The following NOTUM variants were observed in gnomAD, a reference collection of about 807,000 sequenced individuals.
The protein encoded by NOTUM is notum, palmitoleoyl-protein carboxylesterase.
A neutral mutation model predicts 65.5 loss-of-function variants in NOTUM; 36 were observed. The observed-to-expected ratio is 0.55, with a 90% confidence interval of 0.42 to 0.73. The LOEUF is 0.73. NOTUM is among the 30% of genes least tolerant of loss of function. NOTUM has a pLI of 0.00. For missense variants in NOTUM, 659 were observed against 694.2 expected (o/e 0.95, Z 0.57); for synonymous variants, 356 against 297.9 (o/e 1.20, Z -2.01).
chr17:81,957,886 G>A lies in NOTUM; in HGVS notation c.615C>T (p.Ala205=), dbSNP rs1334894896. The stretch of plus-strand genomic sequence containing the variant: ...CCCGCACCACCTCCTGGATGATGAG[G>A]GCGCCCATGAAGGCGTACTCGTCTG... The part of the protein sequence containing the change: ...SEKNEYAFMG[A]LIIQEVVREL... Residue 205 remains alanine, a synonymous_variant, in exon 6 of 11, where the codon GCC becomes GCT. Transcript: ENST00000409678. The A allele has an allele frequency of 1.2e-6, 2 of 1,606,168 alleles. No homozygotes were observed. The highest frequency in any genetic ancestry group is 1.3e-5 in the African/African-American group (1 of 74,680).
intron 5 of NOTUM, 42 bp downstream of exon 5, chr17:81,958,293 C>T (rs1296911872): frequency 7.1e-7 from 1 of 1,415,464 alleles, no homozygotes; most frequent in Admixed American, 1.7e-5. Flanking sequence ...GCCATCCGGC[C>T]CCGTCCCTGC....
At chr17:81,958,858 G>C (rs1161190472) in intron 4 of NOTUM, 77 bp downstream of exon 4, 1 of 1,100,096 alleles carries the variant, frequency 9.1e-7, no homozygotes, top group South Asian at 1.3e-5. Context: ...TTCAGAATAT[G>C]ACTTCCCAAG....
chr17:81,954,770 C>A (rs761555410), intron 9 of NOTUM, among the ~76,000 whole-genome samples: 17 of 150,960 alleles, frequency 1.1e-4, no homozygotes, highest in Non-Finnish European at 2.2e-4. Context: ...GGTGATGCCA[C>A]CATGCCTGGA....
chr17:81,952,988 C>G lies in NOTUM; in HGVS notation c.1464G>C (p.Leu488=), dbSNP rs1209551816. ...AGCTTCCGTTGCTCAGCATCCCCAG[C>G]AGCTCACTGGGCTCCAGTCCCTGCG... ...AQPQGLEPSE[L]LGMLSNGS Residue 488 remains leucine, a synonymous_variant, in exon 11 of 11, where the codon CTG becomes CTC. Transcript: ENST00000409678. 1 of 1,613,956 alleles carries G rather than the reference C, an allele frequency of 6.2e-7. No individual in the cohort carries two copies. The highest frequency in any genetic ancestry group is 1.7e-5 in the Admixed American group (1 of 60,026).
chr17:81,955,554 G>A lies in NOTUM; in HGVS notation c.989-10C>T, dbSNP rs761126346. 1.9e-6 allele frequency: 3 copies of A among 1,606,524 alleles called. No homozygotes were observed. Among genetic ancestry groups the A allele is most frequent in the East Asian group, 2.2e-5 (1 of 44,730 alleles). On this transcript the variant is annotated splice_polypyrimidine_tract_variant and intron_variant, in intron 8 of 10. Coordinates refer to ENST00000409678, the MANE Select transcript of NOTUM (RefSeq NM_178493.6). ...ACCACGAACACAGGGCCTGCGGGCGGCGGGGCTCAGTTCGGCCTCCCCTGA... is the reference window on the plus strand; with the variant it reads ...ACCACGAACACAGGGCCTGCGGGCGACGGGGCTCAGTTCGGCCTCCCCTGA...
At chr17:81,956,482 C>G (rs1434220204) in intron 8 of NOTUM, among the ~76,000 whole-genome samples, 168 bp downstream of exon 8, 2 of 152,124 alleles carry the variant, frequency 1.3e-5, no homozygotes, top group Non-Finnish European at 2.9e-5. Context: ...GGCCTCCTCC[C>G]TGGTACACAG....
At position 81,959,478 on chromosome 17, in the gene NOTUM, A is replaced by C; in HGVS notation, c.465T>G (p.Thr155=). ...CCAGGGCCCGCCGCTGACCTGTGCG[A>C]GTGCGCGGCCAGTCCCGGGAGCTCA... is the stretch of plus-strand genomic sequence containing the variant. ...RLMSSRDWPR[T]RTGTGILSSQ... The change falls in exon 3 of 11, where the codon ACT becomes ACG. Residue 155 remains threonine (T), a synonymous_variant. Transcript: ENST00000409678. 6.5e-7 allele frequency: 1 copy of C among 1,546,888 alleles called. No individual in the cohort carries two copies. The highest frequency in any genetic ancestry group is 8.7e-7 in the Non-Finnish European group (1 of 1,145,808).
intron 6 of NOTUM, 85 bp from the exon 7 acceptor site, chr17:81,957,159 C>A (rs34600945): frequency 3.8e-5 from 45 of 1,176,638 alleles, no homozygotes; most frequent in Non-Finnish European, 4.7e-5. Context: ...GCCCGTGCCC[C>A]GAGGGGGGCA....
At chr17:81,958,099 G>A (rs1445416825) in intron 5 of NOTUM, among the ~76,000 whole-genome samples, 191 bp from the exon 6 acceptor site, 1 of 152,172 alleles carries the variant, frequency 6.6e-6, no homozygotes, top group Non-Finnish European at 1.5e-5. Context: ...CCTCCCCAGG[G>A]AATATTCAGA....
At position 81,960,174 on chromosome 17, in the gene NOTUM, G is replaced by A. The variant is rs957079598; in HGVS notation, c.323+413C>T. Among the ~76,000 whole-genome samples, 2 of 152,034 alleles carry A rather than the reference G, an allele frequency of 1.3e-5. No individual in the cohort carries two copies. Among genetic ancestry groups the A allele is most frequent in the Non-Finnish European group, 2.9e-5 (2 of 67,970 alleles). On this transcript the variant is annotated intron_variant, in intron 1 of 10. Coordinates refer to ENST00000409678, the MANE Select transcript of NOTUM (RefSeq NM_178493.6). The surrounding 1 kb of genome is among the most constrained non-coding windows in gnomAD (Gnocchi z 6.4). The stretch of plus-strand genomic sequence containing the variant: ...CTGTCCTCGGCCTGTTGAGCGCGTG[G>A]GCGGCCCCGCCGCTCCCCGACCCCC...
At chr17:81,959,299 G>A (rs974072873) in intron 3 of NOTUM, 172 bp downstream of exon 3, 2 of 622,706 alleles carry the variant, frequency 3.2e-6, no homozygotes, top group African/African-American at 3.7e-5. Context: ...GAATGCTAAT[G>A]TGGAATGGGC....
At chr17:81,955,286 G>A (rs1353048675) in intron 9 of NOTUM, 111 bp downstream of exon 9, 3 of 1,008,838 alleles carry the variant, frequency 3.0e-6, no homozygotes, top group Admixed American at 2.6e-5. Context: ...CGGCCTACAA[G>A]ACCTCTATTT....
chr17:81,957,721 TC>T, intron 6 of NOTUM, 84 bp downstream of exon 6: 1 of 945,866 alleles, frequency 1.1e-6, no homozygotes, highest in Non-Finnish European at 1.7e-6. Flanking sequence ...TCCTCGCCTC[TC>T]ATACAACCCC....
In NOTUM at chr17:81,957,023, C is replaced by T; in HGVS notation, c.747G>A (p.Leu249=). Residue 249 remains leucine, a synonymous_variant, in exon 7 of 11, where the codon CTG becomes CTA. Transcript: ENST00000409678. ...GGATGGCTGGGTAGCCCAGCTTCTC[C>T]AGCTGCTCAGCCACACGGTCCACAT... ...LLNVDRVAEQ[L]EKLGYPAIQV... 1 of 1,610,844 alleles carries T rather than the reference C, an allele frequency of 6.2e-7. No homozygotes were observed. The highest frequency in any genetic ancestry group is 2.2e-5 in the East Asian group (1 of 44,872).
At position 81,952,712 on chromosome 17, in the gene NOTUM, A is replaced by G; in HGVS notation, c.*249T>C. The G allele has an allele frequency of 3.6e-6, 2 of 560,612 alleles. No individual in the cohort carries two copies. The highest frequency in any genetic ancestry group is 2.2e-5 in the South Asian group (1 of 45,542). The allele number at this position is 560,612 out of a possible 1,614,324, so 34.7% of individuals were successfully genotyped here. A position where few individuals can be genotyped will look rare whatever the true frequency, so the allele number is the denominator to read the frequency against. ...GGAATCCAGTGCTTCTCTTCTGGCT[A>G]CCCCCTCGTTGTCAGGAAGGACCCC... is the stretch of plus-strand genomic sequence containing the variant. On this transcript the variant is annotated 3_prime_UTR_variant, in exon 11 of 11. Transcript: ENST00000409678.
At position 81,960,196 on chromosome 17, in the gene NOTUM, C is replaced by A. The variant is rs2143950127; in HGVS notation, c.323+391G>T. ...GTGGGCGGCCCCGCCGCTCCCCGAC[C>A]CCCGACCTCACGTCTTTTATCTACT... On this transcript the variant is annotated intron_variant, in intron 1 of 10. Transcript: ENST00000409678. This position sits in a 1 kb window ranked among gnomAD's most constrained non-coding sequence, Gnocchi z 6.4. Among the ~76,000 whole-genome samples the A allele has an allele frequency of 6.6e-6, 1 of 152,324 alleles. No individual in the cohort carries two copies. The highest frequency in any genetic ancestry group is 2.1e-4 in the South Asian group (1 of 4,830).
chr17:81,953,019 G>A lies in NOTUM; in HGVS notation c.1433C>T (p.Ala478Val), dbSNP rs772650310. 7.4e-6 allele frequency: 12 copies of A among 1,614,030 alleles called. No homozygotes were observed. In the South Asian group the frequency reaches 1.2e-4, roughly 16 times the overall value. Residue 478 changes from alanine (A) to valine (V), a missense_variant, in exon 11 of 11, where the codon GCC (alanine) becomes GTC (valine). Transcript: ENST00000409678. ...ACTGGGCTCCAGTCCCTGCGGCTGGGCCACCGTCTGCATGTCGAAGCCCAT... is the reference window on the plus strand; with the variant it reads ...ACTGGGCTCCAGTCCCTGCGGCTGGACCACCGTCTGCATGTCGAAGCCCAT... ...MHMGFDMQTV[A>V]QPQGLEPSEL...
rs956118849 is a variant in NOTUM, at chr17:81,959,078, G to A, written c.473-83C>T. ...CTGGGAACCCTGGTGAGGTGTTGGG[G>A]CTCCTACTTGGCCCCAGGAAGGGAG... is the stretch of plus-strand genomic sequence containing the variant. On this transcript the variant is annotated intron_variant, in intron 3 of 10. Transcript: ENST00000409678. 1.5e-5 allele frequency: 18 copies of A among 1,182,098 alleles called. No homozygotes were observed. The African/African-American group carries it at 2.4e-4, about 16-fold the overall frequency. 73.2% of individuals were successfully genotyped at this position (1,182,098 alleles called of 1,614,324 possible).
chr17:81,955,292 T>C (rs1000216246), intron 9 of NOTUM, 105 bp downstream of exon 9: 4 of 1,082,138 alleles, frequency 3.7e-6, no homozygotes, highest in Non-Finnish European at 5.2e-6. Context: ...ACAAGACCTC[T>C]ATTTTTTTTT....
Sources: gnomAD v4.1 joint callset for allele counts (sites outside exome capture counted in the v4.1 genomes callset) on GRCh38, gnomAD v4.1.1 for gene constraint, Gnocchi (gnomAD v3.1) non-coding constraint, MANE v1.5 for transcripts, NCBI Gene and HGNC (gene_info 2026-07-23, HGNC 2026-07-21) for gene names.